The following CNGB1 variants were observed in gnomAD, a reference collection of about 807,000 sequenced individuals.
CNGB1 encodes cyclic nucleotide gated channel subunit beta 1.
CNGB1 carries 126 observed loss-of-function variants against 151.7 expected under a neutral mutation model. The ratio of observed to expected loss-of-function variants is 0.83; its 90% confidence interval spans 0.72 to 0.96. The LOEUF (loss-of-function observed/expected upper bound fraction) is 0.96. Ranked by LOEUF, CNGB1 falls within the 40% of genes least tolerant of loss-of-function variation. CNGB1 has a pLI of 0.00. For missense variants in CNGB1, 1,698 were observed against 1,627.0 expected, an observed-to-expected ratio of 1.04 and a Z score of -0.75; for synonymous variants, 623 against 635.1, an observed-to-expected ratio of 0.98 and a Z score of 0.29.
Position 57,883,941 on chromosome 16 carries a change from A to G in CNGB1, c.*223T>C. ...ATGATAGTGAGAGCTCAGGGACTCG[A>G]ACACTTGATGCAACTTGTCGAGCTC... On this transcript the variant is annotated 3_prime_UTR_variant, in exon 33 of 33. Coordinates refer to ENST00000251102, the MANE Select transcript of CNGB1 (RefSeq NM_001297.5). 1.6e-6 allele frequency: 1 copy of G among 613,456 alleles called. No homozygotes were observed. The highest frequency in any genetic ancestry group is 2.8e-5 in the East Asian group (1 of 36,254). 38.0% of individuals were successfully genotyped at this position (613,456 alleles called of 1,614,324 possible).
intron 25 of CNGB1, among the ~76,000 whole-genome samples, chr16:57,908,934 G>A (rs1960632840): frequency 6.6e-6 from 1 of 152,196 alleles, no homozygotes; most frequent in African/African-American, 2.4e-5. Flanking sequence ...TCACTCTCCT[G>A]CTTAAGGCTT....
In CNGB1 at chr16:57,882,799, C is replaced by CTTTTTTTTTTTTTTTTCT. The variant is rs71155213; in HGVS notation, c.*1364_*1365insAGAAAAAAAAAAAAAAAA. 1 of 136,068 alleles carries CTTTTTTTTTTTTTTTTCT rather than the reference C, an allele frequency of 7.3e-6. No homozygotes were observed. The highest frequency in any genetic ancestry group is 2.7e-5 in the African/African-American group (1 of 36,726). 8.4% of individuals were successfully genotyped at this position (136,068 alleles called of 1,614,324 possible). ...CCTTTTTTCTTTTTTTTTCTTTTTTCTTTTTTTTTTTTTGTCTGAATCATA... is the reference window on the plus strand; with the variant it reads ...CCTTTTTTCTTTTTTTTTCTTTTTTCTTTTTTTTTTTTTTTTCTTTTTTTTTTTTTTGTCTGAATCATA... On this transcript the variant is annotated 3_prime_UTR_variant, in exon 33 of 33. Transcript: ENST00000251102.
intron 11 of CNGB1, among the ~76,000 whole-genome samples, chr16:57,957,878 A>G (rs1284045777): frequency 1.3e-5 from 2 of 152,080 alleles, no homozygotes; most frequent in East Asian, 1.9e-4. Context: ...TAGGCCTCCC[A>G]CCTCCCAGTT....
chr16:57,891,554 C>CATT (rs1405961568), intron 31 of CNGB1, among the ~76,000 whole-genome samples: 8 of 151,818 alleles, frequency 5.3e-5, no homozygotes, highest in South Asian at 2.1e-4. Flanking sequence ...TTTTTAAAGA[C>CATT]ATTATTATTA....
At chr16:57,931,203 G>C in intron 17 of CNGB1, among the ~76,000 whole-genome samples, 1 of 151,296 alleles carries the variant, frequency 6.6e-6, no homozygotes, top group Non-Finnish European at 1.5e-5. Flanking sequence ...CTGTTGCCCA[G>C]GCTGCAGTGC....
intron 12 of CNGB1, 83 bp downstream of exon 12, chr16:57,957,258 C>A: frequency 1.5e-6 from 2 of 1,356,328 alleles, no homozygotes; most frequent in Non-Finnish European, 2.1e-6. Flanking sequence ...GGGACAGCCC[C>A]CCTGCCCACA....
chr16:57,961,506 A>C (rs1187379166), intron 7 of CNGB1, among the ~76,000 whole-genome samples: 12 of 152,152 alleles, frequency 7.9e-5, no homozygotes, highest in African/African-American at 2.9e-4. Context: ...AGTATGGCCC[A>C]AAAGAAGGCT....
intron 17 of CNGB1, among the ~76,000 whole-genome samples, chr16:57,929,997 T>C (rs184186992): frequency 6.6e-4 from 100 of 152,234 alleles, no homozygotes; most frequent in Middle Eastern, 6.8e-3. Context: ...GGAAAAATGG[T>C]ATAGTCACTG....
At chr16:57,895,734 T>A (rs1960205534) in intron 31 of CNGB1, among the ~76,000 whole-genome samples, 1 of 151,958 alleles carries the variant, frequency 6.6e-6, no homozygotes, top group South Asian at 2.1e-4. Context: ...GAAATGGCCA[T>A]TTCCAGGATA....
rs547487989 is a variant in CNGB1 at position 57,883,973 on chromosome 16, A to G, written c.*191T>C. On this transcript the variant is annotated 3_prime_UTR_variant, in exon 33 of 33. Coordinates refer to ENST00000251102, the MANE Select transcript of CNGB1 (RefSeq NM_001297.5). ...GATGCAACTTGTCGAGCTCAGGCCCAGCCCCGCGAGGAGCTGAGTCGGGGC... is the reference window on the plus strand; with the variant it reads ...GATGCAACTTGTCGAGCTCAGGCCCGGCCCCGCGAGGAGCTGAGTCGGGGC... 4.7e-4 allele frequency: 339 copies of G among 719,108 alleles called. 3 individuals carry two copies. The African/African-American group carries it at 5.5e-3, about 12-fold the overall frequency. 44.5% of individuals were successfully genotyped at this position (719,108 alleles called of 1,614,324 possible). A position where few individuals can be genotyped will look rare whatever the true frequency, so the allele number is the denominator to read the frequency against.
intron 14 of CNGB1, among the ~76,000 whole-genome samples, chr16:57,947,073 G>A (rs761697102): frequency 3.3e-5 from 5 of 152,212 alleles, no homozygotes; most frequent in South Asian, 2.1e-4. Context: ...GTGGGTATAC[G>A]TGTGTGCATG....
At position 57,904,725 on chromosome 16, in the gene CNGB1, C is replaced by G. The variant is rs1376755798; in HGVS notation, c.2634+9G>C. On this transcript the variant is annotated intron_variant, in intron 26 of 32. Coordinates refer to ENST00000251102, the MANE Select transcript of CNGB1 (RefSeq NM_001297.5). Reference sequence around the variant, plus strand: ...GGTGGGGTGGGAAGCTGGGCTGGTGCCCCGATACCTGTCCGATCATCACAG... The same window carrying G: ...GGTGGGGTGGGAAGCTGGGCTGGTGGCCCGATACCTGTCCGATCATCACAG... 3 of 1,613,954 alleles carry G rather than the reference C, an allele frequency of 1.9e-6. No homozygotes were observed. The highest frequency in any genetic ancestry group is 2.5e-6 in the Non-Finnish European group (3 of 1,180,018).
In CNGB1 at chr16:57,935,642, C is replaced by T. The variant is rs113642867; in HGVS notation, c.1373-3764G>A. On this transcript the variant is annotated intron_variant, in intron 16 of 32. Coordinates refer to ENST00000251102, the MANE Select transcript of CNGB1 (RefSeq NM_001297.5). ...CAGCCCGAGCAACAGAGCAAGACTC[C>T]GTCCCCCCCCAAAAAAAAATAGAAT... Among the ~76,000 whole-genome samples, 883 of 151,932 alleles carry T rather than the reference C, an allele frequency of 5.8e-3. 10 individuals carry two copies. The highest frequency in any genetic ancestry group is 0.02 in the African/African-American group (833 of 41,448).
chr16:57,886,690 C>T (rs1441997552), intron 32 of CNGB1, among the ~76,000 whole-genome samples: 1 of 152,138 alleles, frequency 6.6e-6, no homozygotes, highest in Non-Finnish European at 1.5e-5. Context: ...AGTCCCTCTC[C>T]AGATCCCCAG....
intron 26 of CNGB1, 138 bp downstream of exon 26, chr16:57,904,596 A>C: frequency 1.7e-6 from 2 of 1,210,966 alleles, no homozygotes; most frequent in Non-Finnish European, 2.4e-6. Context: ...CCAGTGCTCC[A>C]GGCTCCTGAC....
chr16:57,902,045 T>G (rs1294412711), intron 27 of CNGB1, among the ~76,000 whole-genome samples: 1 of 151,882 alleles, frequency 6.6e-6, no homozygotes, highest in African/African-American at 2.4e-5. Context: ...ACCTGTTTTT[T>G]TTGTTGTTGT....
chr16:57,917,641 CACACACACAT>C lies in CNGB1; in HGVS notation c.1958-175_1958-166del, dbSNP rs1178090346. ...GTGTGTATATATACACACACACACACACACACACATACACACACACACAACTCTCTGCTTT... is the reference window on the plus strand; with the variant it reads ...GTGTGTATATATACACACACACACACACACACACACACAACTCTCTGCTTT... On this transcript the variant is annotated intron_variant, in intron 20 of 32. Transcript: ENST00000251102. Among the ~76,000 whole-genome samples, 33 of 149,844 alleles carry C rather than the reference CACACACACAT, an allele frequency of 2.2e-4. 1 individual carries two copies.
chr16:57,920,646 C>T lies in CNGB1; in HGVS notation c.1644-102G>A, dbSNP rs1221476179. On this transcript the variant is annotated intron_variant, in intron 18 of 32. Transcript: ENST00000251102. ...GTCTGTGTCCCACCTTCTGACAGAG[C>T]CTGAAGGAGGTAAGTCCTGCCCCCA... 2.8e-6 allele frequency: 4 copies of T among 1,432,664 alleles called. No individual in the cohort carries two copies. In the African/African-American group the frequency reaches 4.2e-5, roughly 15 times the overall value. The allele number at this position is 1,432,664 out of a possible 1,614,324, so 88.7% of individuals were successfully genotyped here.
Position 57,962,583 on chromosome 16 carries a change from A to C in CNGB1, c.440T>G (p.Leu147Arg), listed in dbSNP as rs61997173. 9,464 of 1,614,018 alleles carry C rather than the reference A, an allele frequency of 5.9e-3. 475 individuals are homozygous for C. The African/African-American group carries it at 0.11, about 19-fold the overall frequency. Residue 147 changes from leucine to arginine, a missense_variant, in exon 7 of 33, where the codon CTT (leucine) becomes CGT (arginine). Coordinates refer to ENST00000251102, the MANE Select transcript of CNGB1 (RefSeq NM_001297.5). Reference sequence around the variant, plus strand: ...GACTCACCTAGTGTCTTGGGCCTCAAGGGCCTCATTGGGTTCATCTGTGCA... The same window carrying C: ...GACTCACCTAGTGTCTTGGGCCTCACGGGCCTCATTGGGTTCATCTGTGCA... ...TGCTDEPNEA[L>R]EAQDTRPGLR...
Sources: gnomAD v4.1 joint callset for allele counts (sites outside exome capture counted in the v4.1 genomes callset) on GRCh38, gnomAD v4.1.1 for gene constraint, MANE v1.5 for transcripts, NCBI Gene and HGNC (gene_info 2026-07-23, HGNC 2026-07-21) for gene names.